The following HDAC9 variants were observed in gnomAD, a reference collection of about 807,000 sequenced individuals.
The protein encoded by HDAC9 is histone deacetylase 9.
Under a neutral mutation model 139.4 loss-of-function variants are expected in HDAC9, and 41 were observed. That is an observed-to-expected ratio of 0.29 (90% CI 0.23 to 0.38). HDAC9 has a LOEUF of 0.38. Ranked by LOEUF, HDAC9 falls within the 10% of genes least tolerant of loss-of-function variation. The probability of loss-of-function intolerance (pLI) is 1.00; values close to 1 mark genes in which losing one functional copy is unlikely to be tolerated. For synonymous variants in HDAC9, 517 were observed against 476.2 expected (o/e 1.09, Z -1.12); for missense variants, 1,147 against 1,297.0 (o/e 0.88, Z 1.78).
chr7:18,925,166 T>C (rs1331730480), intron 22 of HDAC9, among the ~76,000 whole-genome samples: 4 of 152,162 alleles, frequency 2.6e-5, no homozygotes, highest in Admixed American at 2.0e-4. Flanking sequence ...GGCACTGTGA[T>C]TGTAGTACTA....
chr7:18,532,422 A>G (rs1809333113), intron 2 of HDAC9, among the ~76,000 whole-genome samples: 1 of 152,218 alleles, frequency 6.6e-6, no homozygotes, highest in Admixed American at 6.5e-5. Context: ...ATTTCTGGAT[A>G]CAGGGATGGG....
rs1795111490 is a variant in HDAC9, at chr7:18,476,350, T to C, written c.-41-19912T>C. On this transcript the variant is annotated intron_variant, in intron 1 of 3. Coordinates refer to the HDAC9 transcript ENST00000413509. ...AAAAGTATTTCCCCAAGGGACAATA[T>C]CCTCATGACTTAATGACCAACAAGT... is the stretch of plus-strand genomic sequence containing the variant. Among the ~76,000 whole-genome samples, 3 of 152,090 alleles carry C rather than the reference T, an allele frequency of 2.0e-5. No homozygotes were observed. In the South Asian group the frequency reaches 6.2e-4, roughly 32 times the overall value.
chr7:18,734,430 C>T (rs1786692496), intron 13 of HDAC9, among the ~76,000 whole-genome samples: 1 of 152,100 alleles, frequency 6.6e-6, no homozygotes, highest in South Asian at 2.1e-4. Flanking sequence ...CGCCCTGAGT[C>T]CAAGTGTTCT....
chr7:18,232,498 T>G (rs983059134), intron 2 of HDAC9, among the ~76,000 whole-genome samples: 4 of 152,164 alleles, frequency 2.6e-5, no homozygotes, highest in African/African-American at 9.7e-5. Flanking sequence ...AATCACTTCC[T>G]CCCTGGTGTT....
chr7:18,687,157 C>T (rs1782334147), intron 12 of HDAC9, among the ~76,000 whole-genome samples: 3 of 151,720 alleles, frequency 2.0e-5, no homozygotes, highest in Admixed American at 2.0e-4. Context: ...TATCAAAATT[C>T]TTAGTGTAGC....
intron 1 of HDAC9, among the ~76,000 whole-genome samples, chr7:18,428,462 G>T (rs1790328272): frequency 6.6e-6 from 1 of 152,190 alleles, no homozygotes; most frequent in Admixed American, 6.5e-5. Context: ...CTAAAGGTTT[G>T]CAGGGATATT....
At chr7:18,206,479 TC>T (rs1791520982) in intron 2 of HDAC9, among the ~76,000 whole-genome samples, 1 of 152,120 alleles carries the variant, frequency 6.6e-6, no homozygotes, top group Non-Finnish European at 1.5e-5. Flanking sequence ...TGGAGGCTTG[TC>T]TTTGGACTTT....
At chr7:18,695,967 A>G (rs1783015612) in intron 12 of HDAC9, among the ~76,000 whole-genome samples, 1 of 152,212 alleles carries the variant, frequency 6.6e-6, no homozygotes, top group Non-Finnish European at 1.5e-5. Context: ...TAACTATTTC[A>G]CATATGACTA....
At chr7:18,231,869 C>G (rs566464154) in intron 2 of HDAC9, among the ~76,000 whole-genome samples, 10 of 152,182 alleles carry the variant, frequency 6.6e-5, no homozygotes, top group African/African-American at 2.4e-4. Flanking sequence ...TTTTCTTATC[C>G]TTTGGTACAA....
At chr7:18,654,538 T>C (rs1790444087) in intron 11 of HDAC9, among the ~76,000 whole-genome samples, 1 of 152,120 alleles carries the variant, frequency 6.6e-6, no homozygotes, top group Admixed American at 6.6e-5. Flanking sequence ...TTGAGCAAGG[T>C]GGCAGGGCTA....
intron 1 of HDAC9, among the ~76,000 whole-genome samples, chr7:18,417,400 T>G (rs1407650888): frequency 3.3e-5 from 5 of 152,202 alleles, no homozygotes; most frequent in Non-Finnish European, 7.3e-5. Flanking sequence ...CATTTTCAAT[T>G]CGTTGGCTTT....
intron 16 of HDAC9, among the ~76,000 whole-genome samples, chr7:18,792,466 C>T (rs115515178): frequency 0.014 from 2,102 of 151,908 alleles, 44 homozygotes; most frequent in African/African-American, 0.049. Context: ...AAAAATATAA[C>T]ATATGATAAT....
chr7:18,781,401 C>T (rs1318069247), intron 16 of HDAC9, among the ~76,000 whole-genome samples: 10 of 152,100 alleles, frequency 6.6e-5, no homozygotes, highest in African/African-American at 2.4e-5. Flanking sequence ...GTTTACTCTT[C>T]TGTAAAGGTG....
intron 17 of HDAC9, among the ~76,000 whole-genome samples, chr7:18,813,737 G>A (rs1484632898): frequency 1.3e-5 from 2 of 152,168 alleles, no homozygotes; most frequent in African/African-American, 2.4e-5. Context: ...CTTTCTGAAA[G>A]CTTAAGTTAG....
At chr7:18,228,202 A>G (rs1793200391) in intron 2 of HDAC9, among the ~76,000 whole-genome samples, 1 of 152,146 alleles carries the variant, frequency 6.6e-6, no homozygotes, top group South Asian at 2.1e-4. Context: ...GGGGTTGTTT[A>G]ATACTCCAAG....
intron 15 of HDAC9, among the ~76,000 whole-genome samples, chr7:18,765,299 G>A (rs1427178620): frequency 6.6e-6 from 1 of 152,042 alleles, no homozygotes; most frequent in African/African-American, 2.4e-5. Flanking sequence ...TCTCTTGGGG[G>A]TTAATAATTT....
intron 2 of HDAC9, among the ~76,000 whole-genome samples, chr7:18,165,385 A>G (rs1484125004): frequency 6.6e-6 from 1 of 152,154 alleles, no homozygotes; most frequent in African/African-American, 2.4e-5. Flanking sequence ...ATATTTGGAG[A>G]CTATAAACAC....
chr7:18,112,029 T>C (rs1303657757), intron 1 of HDAC9, among the ~76,000 whole-genome samples: 1 of 152,234 alleles, frequency 6.6e-6, no homozygotes. Context: ...TTAAAGTATG[T>C]ACACTTACAA....
At chr7:18,668,295 G>C in intron 12 of HDAC9, 1 of 959,442 alleles carries the variant, frequency 1.0e-6, no homozygotes, top group Non-Finnish European at 1.2e-6. Context: ...ATTTTGGTTA[G>C]TATATTCCTT....
Sources: gnomAD v4.1 joint callset for allele counts (sites outside exome capture counted in the v4.1 genomes callset) on GRCh38, gnomAD v4.1.1 for gene constraint, MANE v1.5 for transcripts, NCBI Gene and HGNC (gene_info 2026-07-23, HGNC 2026-07-21) for gene names.